Variants in TBC1D22A observed in about 807,000 individuals in gnomAD.
TBC1D22A encodes TBC1 domain family member 22A, also known as putative GTPase activator.
TBC1D22A carries 38 observed loss-of-function variants against 60.2 expected under a neutral mutation model. That is an observed-to-expected ratio of 0.63 (90% CI 0.49 to 0.83). The LOEUF is 0.83. Among genes scored for constraint, TBC1D22A ranks in the 40% least tolerant of loss-of-function variants. The probability of loss-of-function intolerance (pLI) is 0.00; values close to 1 mark genes in which losing one functional copy is unlikely to be tolerated. For missense variants in TBC1D22A, 628 were observed against 701.0 expected, an observed-to-expected ratio of 0.90 and a Z score of 1.18; for synonymous variants, 302 against 281.7, an observed-to-expected ratio of 1.07 and a Z score of -0.72.
Position 47,037,216 on chromosome 22 carries a change from C to CCCT in TBC1D22A, c.1329+21_1329+23dup. ...CCTACCAGGTGAGCTCTCCTTCGCA[C>CCCT]CCTCCGCCATGGGGGTGCCAGGAGC... On this transcript the variant is annotated intron_variant, in intron 11 of 12. Coordinates refer to ENST00000337137, the MANE Select transcript of TBC1D22A (RefSeq NM_014346.5). The CCCT allele has an allele frequency of 6.2e-7, 1 of 1,611,980 alleles. No individual in the cohort carries two copies. Among genetic ancestry groups the CCCT allele is most frequent in the African/African-American group, 1.3e-5 (1 of 75,032 alleles).
chr22:47,040,506 G>T (rs1207772556), intron 11 of TBC1D22A, among the ~76,000 whole-genome samples: 1 of 152,004 alleles, frequency 6.6e-6, no homozygotes, highest in Non-Finnish European at 1.5e-5. Context: ...CGAGCAAGTG[G>T]GGTCAGAGGG....
At chr22:47,058,339 C>CA (rs1163737094) in intron 11 of TBC1D22A, among the ~76,000 whole-genome samples, 3 of 152,128 alleles carry the variant, frequency 2.0e-5, no homozygotes, top group Non-Finnish European at 4.4e-5. Context: ...TCCCTGCCCC[C>CA]CAGCTTATGA....
At chr22:46,908,511 T>C (rs1464522894) in intron 7 of TBC1D22A, among the ~76,000 whole-genome samples, 1 of 152,216 alleles carries the variant, frequency 6.6e-6, no homozygotes, top group African/African-American at 2.4e-5. Flanking sequence ...ACATGTCAGT[T>C]GGATGACAGC....
rs143442602 is a variant in TBC1D22A, at chr22:47,159,846, A to C, written c.1426-13652A>C. Among the ~76,000 whole-genome samples the C allele has an allele frequency of 3.4e-3, 520 of 151,862 alleles. 3 individuals are homozygous for C. The highest frequency in any genetic ancestry group is 0.012 in the African/African-American group (503 of 41,314). On this transcript the variant is annotated intron_variant, in intron 12 of 12. Transcript: ENST00000337137. ...CCCCCACACACGCACCACACTCCAC[A>C]TACAGACACAACATCCTCACATAGT...
At chr22:47,051,744 A>T (rs1043078225) in intron 11 of TBC1D22A, among the ~76,000 whole-genome samples, 1 of 152,070 alleles carries the variant, frequency 6.6e-6, no homozygotes, top group African/African-American at 2.4e-5. Flanking sequence ...GCTCCTCTCC[A>T]GCTCCCCTCC....
At chr22:46,783,630 T>C (rs2084036616) in intron 1 of TBC1D22A, among the ~76,000 whole-genome samples, 1 of 147,274 alleles carries the variant, frequency 6.8e-6, no homozygotes, top group South Asian at 2.2e-4. Context: ...AAGTGATATA[T>C]AGTATCATTT....
chr22:46,968,559 G>A (rs1015110405), intron 8 of TBC1D22A, among the ~76,000 whole-genome samples: 17 of 143,146 alleles, frequency 1.2e-4, no homozygotes, highest in South Asian at 2.3e-4. Flanking sequence ...CTGAGTGGGA[G>A]GGCGTCCTCA....
At chr22:46,857,476 C>CT (rs1343490011) in intron 4 of TBC1D22A, among the ~76,000 whole-genome samples, 1 of 152,182 alleles carries the variant, frequency 6.6e-6, no homozygotes, top group African/African-American at 2.4e-5. Context: ...TTATTCTAGA[C>CT]TTTTTTTAGA....
intron 7 of TBC1D22A, among the ~76,000 whole-genome samples, chr22:46,901,227 T>G (rs1213955372): frequency 6.6e-6 from 1 of 152,194 alleles, no homozygotes; most frequent in Non-Finnish European, 1.5e-5. Flanking sequence ...TGCTAACATG[T>G]GATGTGCCAC....
chr22:46,989,039 C>T (rs1010356239), intron 9 of TBC1D22A, among the ~76,000 whole-genome samples: 3 of 152,222 alleles, frequency 2.0e-5, no homozygotes, highest in African/African-American at 7.2e-5. Flanking sequence ...TCACCTTGTA[C>T]TTTTATGCTA....
chr22:47,024,056 G>A (rs746501804), intron 10 of TBC1D22A, among the ~76,000 whole-genome samples: 1 of 152,222 alleles, frequency 6.6e-6, no homozygotes, highest in Admixed American at 6.5e-5. Flanking sequence ...AAGATGACAG[G>A]AGCGTAGGCG....
chr22:46,832,955 A>T (rs2147166277), intron 4 of TBC1D22A, among the ~76,000 whole-genome samples: 1 of 152,276 alleles, frequency 6.6e-6, no homozygotes, highest in South Asian at 2.1e-4. Context: ...CTGCATGGGG[A>T]TTCCTCTTGG....
At chr22:46,826,088 A>G (rs1401942972) in intron 4 of TBC1D22A, among the ~76,000 whole-genome samples, 2 of 151,992 alleles carry the variant, frequency 1.3e-5, no homozygotes, top group Non-Finnish European at 2.9e-5. Flanking sequence ...TCACCGTGTT[A>G]GCCATGATGG....
chr22:46,891,693 G>A (rs562000101), intron 6 of TBC1D22A, among the ~76,000 whole-genome samples: 9 of 152,296 alleles, frequency 5.9e-5, no homozygotes, highest in African/African-American at 1.9e-4. Flanking sequence ...TGGGGTGATG[G>A]TGGGAGTTTG....
intron 11 of TBC1D22A, among the ~76,000 whole-genome samples, chr22:47,102,634 A>G (rs1316432907): frequency 6.6e-6 from 1 of 152,172 alleles, no homozygotes; most frequent in Non-Finnish European, 1.5e-5. Flanking sequence ...TGATGCCGTA[A>G]AGCTCTGTTT....
intron 1 of TBC1D22A, chr22:46,789,115 A>G: frequency 6.3e-6 from 1 of 159,928 alleles, no homozygotes; most frequent in African/African-American, 2.6e-5. Context: ...TTCTTAAGGA[A>G]TCTTCCTTCT....
chr22:47,107,021 G>A (rs1417529767), intron 11 of TBC1D22A, among the ~76,000 whole-genome samples: 1 of 152,236 alleles, frequency 6.6e-6, no homozygotes, highest in African/African-American at 2.4e-5. Flanking sequence ...TTAGGTCAGT[G>A]TGTGGTGCTG....
chr22:47,021,822 C>T (rs188845534), intron 10 of TBC1D22A, among the ~76,000 whole-genome samples: 22 of 152,368 alleles, frequency 1.4e-4, no homozygotes, highest in Non-Finnish European at 2.6e-4. Flanking sequence ...CCTCCCGCCC[C>T]AGTGCTGGGG....
chr22:47,029,343 G>A (rs2062378440), intron 10 of TBC1D22A, among the ~76,000 whole-genome samples: 1 of 152,144 alleles, frequency 6.6e-6, no homozygotes. Context: ...CCTCCCAATG[G>A]GGCCAGGGTG....
Sources: gnomAD v4.1 joint callset for allele counts (sites outside exome capture counted in the v4.1 genomes callset) on GRCh38, gnomAD v4.1.1 for gene constraint, MANE v1.5 for transcripts, NCBI Gene and HGNC (gene_info 2026-07-23, HGNC 2026-07-21) for gene names.